Variants in PRPF31 observed in about 807,000 individuals in gnomAD.
PRPF31 encodes the protein pre-mRNA processing factor 31.
A neutral mutation model predicts 60.4 loss-of-function variants in PRPF31; 12 were observed. The observed-to-expected ratio is 0.20, with a 90% confidence interval of 0.13 to 0.32. The LOEUF (loss-of-function observed/expected upper bound fraction) is 0.32, where lower values mean the gene tolerates loss of function less well. PRPF31 is among the 10% of genes least tolerant of loss of function. The pLI is 1.00. For synonymous variants in PRPF31, 287 were observed against 287.9 expected (o/e 1.00, Z 0.03); for missense variants, 431 against 687.1 (o/e 0.63, Z 4.17).
chr19:54,129,437 CT>C, intron 13 of PRPF31, 67 bp downstream of exon 13: 1 of 1,517,580 alleles, frequency 6.6e-7, no homozygotes, highest in East Asian at 2.5e-5. Flanking sequence ...CCCTCTGCCC[CT>C]GTGAAGAAGG....
intron 11 of PRPF31, among the ~76,000 whole-genome samples, chr19:54,128,674 G>C (rs953043991): frequency 6.6e-6 from 1 of 152,054 alleles, no homozygotes; most frequent in Non-Finnish European, 1.5e-5. Context: ...CTGCACGGCC[G>C]CCCCGTCCCT....
intron 8 of PRPF31, 155 bp from the exon 9 acceptor site, chr19:54,126,373 T>G (rs1375149932): frequency 1.4e-6 from 1 of 707,072 alleles, no homozygotes; most frequent in East Asian, 2.7e-5. Flanking sequence ...TCCTGTGAAG[T>G]AGGAGCTGAG....
Position 54,126,676 on chromosome 19 carries a change from C to T in PRPF31, c.945+59C>T, listed in dbSNP as rs587611587. The T allele has an allele frequency of 3.7e-5, 56 of 1,513,716 alleles. No homozygotes were observed. The African/African-American group carries it at 6.9e-4, about 19-fold the overall frequency. 93.8% of individuals were successfully genotyped at this position (1,513,716 alleles called of 1,614,324 possible). ...CTTTTCCTCTGGGCCTGGGGTGTCT[C>T]TGCAGGGAGACCCTCAGCAGGGAGC... On this transcript the variant is annotated intron_variant, in intron 9 of 13. Coordinates refer to ENST00000321030, the MANE Select transcript of PRPF31 (RefSeq NM_015629.4).
intron 1 of PRPF31, among the ~76,000 whole-genome samples, chr19:54,118,058 T>C (rs1231667377): frequency 6.6e-6 from 1 of 152,150 alleles, no homozygotes; most frequent in Non-Finnish European, 1.5e-5. Flanking sequence ...CTTAGCAAGG[T>C]GGCGGTCATA....
intron 5 of PRPF31, chr19:54,122,964 C>T (rs973507745): frequency 3.0e-5 from 14 of 465,572 alleles, no homozygotes; most frequent in Middle Eastern, 5.9e-4. Flanking sequence ...GGAAGTGAGG[C>T]GGGGAAGGAG....
intron 8 of PRPF31, chr19:54,125,026 G>A: frequency 5.1e-6 from 2 of 392,470 alleles, no homozygotes; most frequent in South Asian, 2.5e-5. Context: ...CCACCCTCAG[G>A]TTTGACCATT....
intron 5 of PRPF31, chr19:54,123,062 G>C (rs1213118066): frequency 2.4e-5 from 11 of 455,096 alleles, no homozygotes; most frequent in East Asian, 1.7e-4. Context: ...GCAGGTGTGC[G>C]TGAGGGCGGG....
At chr19:54,118,011 A>G (rs2073692252) in intron 1 of PRPF31, among the ~76,000 whole-genome samples, 1 of 151,838 alleles carries the variant, frequency 6.6e-6, no homozygotes. Context: ...AAGTTTGCAA[A>G]TGCATTTGGA....
chr19:54,128,472 C>T (rs1178847614), intron 11 of PRPF31, 95 bp downstream of exon 11: 5 of 1,288,250 alleles, frequency 3.9e-6, no homozygotes, highest in Admixed American at 4.0e-5. Flanking sequence ...TCCTGTGGCC[C>T]TGGCTCATGT....
intron 13 of PRPF31, among the ~76,000 whole-genome samples, chr19:54,130,789 C>T (rs2074032575): frequency 6.6e-6 from 1 of 152,120 alleles, no homozygotes; most frequent in Non-Finnish European, 1.5e-5. Flanking sequence ...TCATGAGGTG[C>T]TCAGGACTGA....
chr19:54,121,979 T>C, intron 4 of PRPF31, 36 bp downstream of exon 4: 1 of 1,580,132 alleles, frequency 6.3e-7, no homozygotes, highest in South Asian at 1.1e-5. Flanking sequence ...CAGCCCCGTG[T>C]GACGTCCCTC....
At chr19:54,117,003 G>A (rs1037857517) in intron 1 of PRPF31, among the ~76,000 whole-genome samples, 2 of 152,132 alleles carry the variant, frequency 1.3e-5, no homozygotes, top group Non-Finnish European at 2.9e-5. Context: ...GCTGAGGCGG[G>A]AGAATCGCTT....
At chr19:54,127,952 T>G in intron 9 of PRPF31, 121 bp from the exon 10 acceptor site, 1 of 1,360,748 alleles carries the variant, frequency 7.3e-7, no homozygotes, top group South Asian at 1.3e-5. Context: ...GGGGTGGCGG[T>G]GAGGCAGCAT....
chr19:54,128,234 G>A, intron 10 of PRPF31, 34 bp downstream of exon 10: 1 of 1,565,706 alleles, frequency 6.4e-7, no homozygotes, highest in Non-Finnish European at 8.6e-7. Flanking sequence ...AGGCATGGGG[G>A]TCATGGAGGG....
In PRPF31 at chr19:54,128,584, T is replaced by C. The variant is rs587727686; in HGVS notation, c.1146+207T>C. Among the ~76,000 whole-genome samples the C allele has an allele frequency of 2.1e-5, 3 of 145,940 alleles. No homozygotes were observed. In the East Asian group the frequency reaches 6.2e-4, roughly 30 times the overall value. The stretch of plus-strand genomic sequence containing the variant: ...CGACCCTTGGAGCCTGTGTCTCCGC[T>C]GCTTAGAGCCCCCGCGGCTTCCCAT... On this transcript the variant is annotated intron_variant, in intron 11 of 13. Transcript: ENST00000321030.
chr19:54,118,850 G>T, intron 3 of PRPF31: 1 of 604,044 alleles, frequency 1.7e-6, no homozygotes, highest in Non-Finnish European at 2.9e-6. Context: ...TGAGCTTACT[G>T]ATCATGATAG....
At chr19:54,124,804 G>A in intron 8 of PRPF31, 148 bp downstream of exon 8, 2 of 957,818 alleles carry the variant, frequency 2.1e-6, no homozygotes, top group South Asian at 1.4e-5. Context: ...TGAGAGCCAG[G>A]GCTCTGCAGC....
chr19:54,122,642 C>T lies in PRPF31; in HGVS notation c.420+48C>T, dbSNP rs779987616. The T allele has an allele frequency of 2.3e-5, 34 of 1,485,116 alleles. 1 individual carries two copies. The highest frequency in any genetic ancestry group is 2.9e-5 in the Non-Finnish European group (31 of 1,063,044). The allele number at this position is 1,485,116 out of a possible 1,614,324, so 92.0% of individuals were successfully genotyped here. ...GCTTCTGCTGGCGTGAAGGGGCAGG[C>T]GGGGCTCACTCTCGGACCCCCTCCC... On this transcript the variant is annotated intron_variant, in intron 5 of 13. Transcript: ENST00000321030.
chr19:54,117,460 T>TA (rs2073676278), intron 1 of PRPF31, among the ~76,000 whole-genome samples: 1 of 152,178 alleles, frequency 6.6e-6, no homozygotes, highest in African/African-American at 2.4e-5. Context: ...CATGGGCTGG[T>TA]GTCAAGTCAA....
Sources: allele counts gnomAD v4.1 joint callset (sites outside exome capture counted in the v4.1 genomes callset), GRCh38; gene constraint gnomAD v4.1.1; transcripts MANE v1.5; gene names NCBI Gene and HGNC (gene_info 2026-07-23, HGNC 2026-07-21).